ACAP2: variants seen among roughly 807,000 people sequenced by gnomAD.
The protein encoded by ACAP2 is ArfGAP with coiled-coil, ankyrin repeat and PH domains 2, also known as arf-GAP with coiled-coil, ANK repeat and PH domain-containing protein 2.
ACAP2 carries 39 observed loss-of-function variants against 115.8 expected under a neutral mutation model. That is an observed-to-expected ratio of 0.34 (90% CI 0.26 to 0.44). The LOEUF is 0.44. ACAP2 is among the 20% of genes least tolerant of loss of function. The pLI is 1.00. For missense variants in ACAP2, 662 were observed against 927.6 expected (o/e 0.71, Z 3.72); for synonymous variants, 289 against 315.8 (o/e 0.92, Z 0.90).
intron 20 of ACAP2, 105 bp downstream of exon 20, chr3:195,291,601 C>T (rs919070940): frequency 1.2e-6 from 1 of 811,088 alleles, no homozygotes; most frequent in African/African-American, 1.8e-5. Flanking sequence ...GAACACATCT[C>T]TTTACAAACA....
At chr3:195,314,803 C>G (rs1319295425) in intron 10 of ACAP2, among the ~76,000 whole-genome samples, 2 of 152,184 alleles carry the variant, frequency 1.3e-5, no homozygotes, top group African/African-American at 4.8e-5. Flanking sequence ...TAAACACAGT[C>G]TTTTACTCAA....
Position 195,442,779 on chromosome 3 carries a change from C to T in ACAP2, c.53+16G>A, listed in dbSNP as rs1279752391. ...AAGGCAGCTCCGCGGTGACGCCGGGCGGCCGTGCCGGTTACCTGAAGCGGG... is the reference window on the plus strand; with the variant it reads ...AAGGCAGCTCCGCGGTGACGCCGGGTGGCCGTGCCGGTTACCTGAAGCGGG... On this transcript the variant is annotated intron_variant, in intron 1 of 22. Transcript: ENST00000326793. 1.7e-5 allele frequency: 26 copies of T among 1,527,504 alleles called. No individual in the cohort carries two copies. Among genetic ancestry groups the T allele is most frequent in the East Asian group, 2.7e-5 (1 of 37,112 alleles). The allele number at this position is 1,527,504 out of a possible 1,614,324, so 94.6% of individuals were successfully genotyped here.
At chr3:195,341,453 T>C (rs1730871003) in intron 6 of ACAP2, among the ~76,000 whole-genome samples, 1 of 151,154 alleles carries the variant, frequency 6.6e-6, no homozygotes, top group South Asian at 2.1e-4. Context: ...GCCTCCCGAG[T>C]AGCTGGGACT....
At chr3:195,368,024 T>G (rs183317644) in intron 4 of ACAP2, among the ~76,000 whole-genome samples, 1 of 152,230 alleles carries the variant, frequency 6.6e-6, no homozygotes, top group Non-Finnish European at 1.5e-5. Context: ...ATTTAAGATA[T>G]TGATGTTTAT....
At chr3:195,307,407 G>T (rs1358226071) in intron 11 of ACAP2, 84 bp from the exon 12 acceptor site, 2 of 796,440 alleles carry the variant, frequency 2.5e-6, no homozygotes, top group Admixed American at 4.9e-5. Context: ...ATATTACTTG[G>T]CATAACTGGT....
At chr3:195,318,871 C>G (rs915038471) in intron 10 of ACAP2, among the ~76,000 whole-genome samples, 4 of 152,174 alleles carry the variant, frequency 2.6e-5, no homozygotes, top group African/African-American at 9.7e-5. Flanking sequence ...TGTTTACATC[C>G]AAGACAATGG....
chr3:195,301,855 A>C (rs1230874863), intron 14 of ACAP2, 111 bp downstream of exon 14: 2 of 1,323,384 alleles, frequency 1.5e-6, no homozygotes, highest in East Asian at 4.6e-5. Flanking sequence ...CAAAGATACA[A>C]ACTGGTGATT....
At chr3:195,308,367 G>A (rs1728552745) in intron 11 of ACAP2, among the ~76,000 whole-genome samples, 1 of 148,406 alleles carries the variant, frequency 6.7e-6, no homozygotes, top group Non-Finnish European at 1.5e-5. Flanking sequence ...AAAACAGCTA[G>A]GAGAAGAGAT....
Position 195,289,103 on chromosome 3 carries a change from TAA to T in ACAP2, c.2174+16_2174+17del. On this transcript the variant is annotated intron_variant, in intron 21 of 22. Transcript: ENST00000326793. ...AATTCACTGTATGGAAATAGTCAAG[TAA>T]AAAGGAAGTACTTACAAGGTGACTA... 1 of 1,586,678 alleles carries T rather than the reference TAA, an allele frequency of 6.3e-7. No individual in the cohort carries two copies. Among genetic ancestry groups the T allele is most frequent in the Non-Finnish European group, 8.6e-7 (1 of 1,162,966 alleles).
intron 15 of ACAP2, among the ~76,000 whole-genome samples, chr3:195,299,767 G>A (rs887386096): frequency 4.6e-5 from 7 of 152,090 alleles, no homozygotes; most frequent in African/African-American, 4.8e-5. Context: ...GAACCCAGGA[G>A]GTGGAGCTTG....
At chr3:195,284,809 C>A (rs559693518) in intron 22 of ACAP2, among the ~76,000 whole-genome samples, 1 of 152,256 alleles carries the variant, frequency 6.6e-6, no homozygotes, top group South Asian at 2.1e-4. Context: ...GTCACGAATT[C>A]ATGAAATTTT....
At position 195,276,729 on chromosome 3, in the gene ACAP2, T is replaced by C. The variant is rs1187643116; in HGVS notation, c.*2599A>G. The C allele has an allele frequency of 6.6e-6, 1 of 152,252 alleles. No homozygotes were observed. Among genetic ancestry groups the C allele is most frequent in the Non-Finnish European group, 1.5e-5 (1 of 68,044 alleles). 9.4% of individuals were successfully genotyped at this position (152,252 alleles called of 1,614,324 possible). The stretch of plus-strand genomic sequence containing the variant: ...CATAATTCAGATTTGTTACATACCA[T>C]ATAAAAGCTATTAGTTGACATGGCT... On this transcript the variant is annotated 3_prime_UTR_variant, in exon 23 of 23. Coordinates refer to ENST00000326793, the MANE Select transcript of ACAP2 (RefSeq NM_012287.6).
intron 13 of ACAP2, among the ~76,000 whole-genome samples, chr3:195,304,499 A>C (rs1036057939): frequency 6.6e-6 from 1 of 152,186 alleles, no homozygotes; most frequent in African/African-American, 2.4e-5. Flanking sequence ...GGACAGTTCA[A>C]TCCTACTGTC....
intron 2 of ACAP2, among the ~76,000 whole-genome samples, chr3:195,387,990 T>C (rs1339946702): frequency 6.6e-6 from 1 of 152,214 alleles, no homozygotes; most frequent in Non-Finnish European, 1.5e-5. Context: ...CAAGGCCATA[T>C]TGCTAGTAAA....
intron 4 of ACAP2, among the ~76,000 whole-genome samples, chr3:195,370,147 A>G (rs930490700): frequency 1.3e-5 from 2 of 152,148 alleles, no homozygotes; most frequent in African/African-American, 4.8e-5. Context: ...GATTCTGGAT[A>G]TTAGAGCATT....
chr3:195,285,598 G>A (rs1276807134), intron 22 of ACAP2, 198 bp downstream of exon 22: 2 of 527,396 alleles, frequency 3.8e-6, no homozygotes, highest in Non-Finnish European at 6.6e-6. Context: ...AATGTTTAAA[G>A]GCCCGGGATT....
In ACAP2 at chr3:195,276,045, T is replaced by C. The variant is rs1560189722; in HGVS notation, c.*3283A>G. ...ATTATACACAAGTGTTATCTGACAATATAAGAATGATCTGGGAATGTCTGT... is the reference window on the plus strand; with the variant it reads ...ATTATACACAAGTGTTATCTGACAACATAAGAATGATCTGGGAATGTCTGT... On this transcript the variant is annotated 3_prime_UTR_variant, in exon 23 of 23. Coordinates refer to ENST00000326793, the MANE Select transcript of ACAP2 (RefSeq NM_012287.6). 6.6e-6 allele frequency: 1 copy of C among 152,640 alleles called. No homozygotes were observed. Among genetic ancestry groups the C allele is most frequent in the Non-Finnish European group, 1.5e-5 (1 of 68,034 alleles). The allele number at this position is 152,640 out of a possible 1,614,324, so 9.5% of individuals were successfully genotyped here.
chr3:195,310,558 G>C (rs1280644071), intron 10 of ACAP2, among the ~76,000 whole-genome samples: 1 of 152,200 alleles, frequency 6.6e-6, no homozygotes, highest in East Asian at 1.9e-4. Context: ...TTATATCATA[G>C]TAAATTCTGT....
At chr3:195,376,531 A>G (rs940476967) in intron 4 of ACAP2, among the ~76,000 whole-genome samples, 4 of 152,182 alleles carry the variant, frequency 2.6e-5, no homozygotes, top group Admixed American at 6.5e-5. Context: ...AGAGAAAGCG[A>G]GACTCCATTT....
Sources: gnomAD v4.1 joint callset for allele counts (sites outside exome capture counted in the v4.1 genomes callset) on GRCh38, gnomAD v4.1.1 for gene constraint, MANE v1.5 for transcripts, NCBI Gene and HGNC (gene_info 2026-07-23, HGNC 2026-07-21) for gene names.